Variants in ANKUB1 observed in about 807,000 individuals in gnomAD.
ANKUB1 encodes ankyrin repeat and ubiquitin domain containing 1.
In ANKUB1, 42 loss-of-function variants were observed where a neutral mutation model predicts 49.3. That is an observed-to-expected ratio of 0.85 (90% CI 0.67 to 1.10). The LOEUF is 1.10. Ranked by LOEUF, ANKUB1 falls within the 50% of genes least tolerant of loss-of-function variation. The pLI, the probability that ANKUB1 is intolerant of heterozygous loss-of-function variation, is 0.00. For synonymous variants in ANKUB1, 222 were observed against 231.0 expected (o/e 0.96, Z 0.35); for missense variants, 613 against 642.0 (o/e 0.95, Z 0.49).
In ANKUB1 at chr3:149,792,329, G is replaced by C. The variant is rs759218065; in HGVS notation, c.38C>G (p.Pro13Arg). 5.2e-6 allele frequency: 8 copies of C among 1,529,556 alleles called. No individual in the cohort carries two copies. The South Asian group carries it at 8.7e-5, about 17-fold the overall frequency. 94.7% of individuals were successfully genotyped at this position (1,529,556 alleles called of 1,614,324 possible). Reference sequence around the variant, plus strand: ...AGTTTCATCTGCTGAAACATCAAACGGTTCAAAAGATCCTTCAAAGGCGAT... The same window carrying C: ...AGTTTCATCTGCTGAAACATCAAACCGTTCAAAAGATCCTTCAAAGGCGAT... The part of the protein sequence containing the change: ...IFIAFEGSFE[P>R]FDVSADETVE... The change falls in exon 1 of 6, where the codon CCG (proline) becomes CGG (arginine). Residue 13 changes from proline to arginine, a missense_variant. Transcript: ENST00000446160.
intron 5 of ANKUB1, chr3:149,764,095 C>A: frequency 2.2e-6 from 1 of 451,914 alleles, no homozygotes. Flanking sequence ...ATGACACTAG[C>A]TTGGTGATGG....
chr3:149,774,797 T>A (rs1315808466), intron 3 of ANKUB1, among the ~76,000 whole-genome samples: 1 of 152,262 alleles, frequency 6.6e-6, no homozygotes, highest in Non-Finnish European at 1.5e-5. Context: ...TTTATTAGAT[T>A]TTCCTTTCAC....
chr3:149,780,448 T>C lies in ANKUB1; in HGVS notation c.242A>G (p.Asp81Gly). ...ATTGAACACGTATAGAGTAGGCTTG[T>C]CTTCTTCCTAAAGGGAAAGAAAAGG... ...STLKCFVKEE[D>G]KPTLYVFNAV... The change falls in exon 3 of 6, where the codon GAC becomes GGC. Residue 81 changes from aspartate (D) to glycine (G), a missense_variant. Transcript: ENST00000446160. 6 of 1,551,316 alleles carry C rather than the reference T, an allele frequency of 3.9e-6. No homozygotes were observed. The highest frequency in any genetic ancestry group is 5.2e-6 in the Non-Finnish European group (6 of 1,146,310).
In ANKUB1 at chr3:149,761,490, C is replaced by T. The variant is rs1227356938; in HGVS notation, c.1629G>A (p.Val543=). The T allele has an allele frequency of 1.3e-6, 2 of 1,551,138 alleles. No homozygotes were observed. Among genetic ancestry groups the T allele is most frequent in the African/African-American group, 1.4e-5 (1 of 73,038 alleles). ...CTGAAGTTGTCATGACTTTTCAAAG[C>T]ACAGTTTCTAGAGAGTTTTCACACG... ...LTACENSLET[V]L The change falls in exon 6 of 6, where the codon GTG becomes GTA. Residue 543 remains valine (V), a synonymous_variant. Coordinates refer to ENST00000446160, the MANE Select transcript of ANKUB1 (RefSeq NM_001144960.3).
rs1304314688 is a variant in ANKUB1, at chr3:149,767,985, G to A, written c.677C>T (p.Pro226Leu). 6.5e-7 allele frequency: 1 copy of A among 1,528,100 alleles called. No individual in the cohort carries two copies. Among genetic ancestry groups the A allele is most frequent in the South Asian group, 1.2e-5 (1 of 81,520 alleles). 94.7% of individuals were successfully genotyped at this position (1,528,100 alleles called of 1,614,324 possible). ...ARPHEAVGVH[P>L]YRAWCHEALH... ...GGCTTCATGGCACCATGCTCGATAG[G>A]GGTGAACACCGACTGCCTCGTGGGG... Residue 226 changes from proline (P) to leucine (L), a missense_variant, in exon 5 of 6, where the codon CCC (proline) becomes CTC (leucine). By Grantham distance (98) the Pro-to-Leu change is moderately conservative. Coordinates refer to ENST00000446160, the MANE Select transcript of ANKUB1 (RefSeq NM_001144960.3).
chr3:149,784,913 A>G (rs2108278765), intron 2 of ANKUB1, among the ~76,000 whole-genome samples: 1 of 152,310 alleles, frequency 6.6e-6, no homozygotes, highest in Admixed American at 6.5e-5. Context: ...TTTATTTAAT[A>G]CCTATTTATG....
intron 5 of ANKUB1, 98 bp from the exon 6 acceptor site, chr3:149,761,711 G>A: frequency 7.3e-7 from 1 of 1,361,230 alleles, no homozygotes; most frequent in Non-Finnish European, 9.8e-7. Context: ...TTGTAGCTAG[G>A]GCTAGTTTGT....
At chr3:149,786,950 G>A (rs904547801) in intron 2 of ANKUB1, among the ~76,000 whole-genome samples, 2 of 152,144 alleles carry the variant, frequency 1.3e-5, no homozygotes, top group Non-Finnish European at 2.9e-5. Flanking sequence ...TTTTGTACCA[G>A]TACCATGCTG....
At chr3:149,765,421 T>C (rs1487552902) in intron 5 of ANKUB1, among the ~76,000 whole-genome samples, 1 of 152,162 alleles carries the variant, frequency 6.6e-6, no homozygotes, top group Non-Finnish European at 1.5e-5. Context: ...ACAAGCCATA[T>C]ATGTGAGATT....
intron 5 of ANKUB1, chr3:149,763,807 T>A (rs1291343384): frequency 2.4e-6 from 1 of 424,622 alleles, no homozygotes; most frequent in Non-Finnish European, 4.7e-6. Context: ...CAGCCACATT[T>A]ACTCACCAAC....
Position 149,767,838 on chromosome 3 carries a change from T to G in ANKUB1, c.824A>C (p.Gln275Pro), listed in dbSNP as rs377486050. Residue 275 changes from glutamine (Q) to proline (P), a missense_variant, in exon 5 of 6, where the codon CAA (glutamine) becomes CCA (proline). Coordinates refer to ENST00000446160, the MANE Select transcript of ANKUB1 (RefSeq NM_001144960.3). ...LCLECKNAAG[Q>P]TPLTIVFKHK... Reference sequence around the variant, plus strand: ...TTTGAACACAATGGTCAGGGGAGTTTGTCCTGCTGCATTTTTGCATTCCAG... The same window carrying G: ...TTTGAACACAATGGTCAGGGGAGTTGGTCCTGCTGCATTTTTGCATTCCAG... 1 of 1,551,744 alleles carries G rather than the reference T, an allele frequency of 6.4e-7. No homozygotes were observed. Among genetic ancestry groups the G allele is most frequent in the Admixed American group, 2.0e-5 (1 of 51,000 alleles).
chr3:149,768,156 G>A, intron 4 of ANKUB1, 61 bp from the exon 5 acceptor site: 2 of 1,108,512 alleles, frequency 1.8e-6, no homozygotes, highest in African/African-American at 3.1e-5. Flanking sequence ...GACAAATGTA[G>A]TTACACTAAA....
intron 3 of ANKUB1, chr3:149,778,607 G>A (rs1375667808): frequency 6.6e-6 from 1 of 152,068 alleles, no homozygotes; most frequent in Non-Finnish European, 1.5e-5. Flanking sequence ...CCTTATGTGA[G>A]CCCCCATCAT....
rs572026648 is a variant in ANKUB1 at position 149,762,582 on chromosome 3, C to T, written c.1506-969G>A. Among the ~76,000 whole-genome samples, 900 of 152,296 alleles carry T rather than the reference C, an allele frequency of 5.9e-3. 7 individuals are homozygous for T. Among genetic ancestry groups the T allele is most frequent in the Non-Finnish European group, 0.011 (737 of 68,022 alleles). On this transcript the variant is annotated intron_variant, in intron 5 of 5. Transcript: ENST00000446160. ...CAGGTCTTTATTTTCTCTTATTTCT[C>T]TTTTTGCAGCTTCCTACCTTTACTA...
At chr3:149,792,047 T>A (rs1351307101) in intron 1 of ANKUB1, among the ~76,000 whole-genome samples, 2 of 152,206 alleles carry the variant, frequency 1.3e-5, no homozygotes, top group Non-Finnish European at 2.9e-5. Flanking sequence ...TCAGACTTTT[T>A]TTTTTTCTTG....
chr3:149,787,546 T>C (rs1415645793), intron 2 of ANKUB1, among the ~76,000 whole-genome samples: 1 of 152,176 alleles, frequency 6.6e-6, no homozygotes, highest in Non-Finnish European at 1.5e-5. Flanking sequence ...CTTTTCCTAA[T>C]TGAATACCCT....
At chr3:149,779,662 C>G (rs1717764188) in intron 3 of ANKUB1, 1 of 154,216 alleles carries the variant, frequency 6.5e-6, no homozygotes, top group African/African-American at 2.4e-5. Flanking sequence ...TCATATGCTA[C>G]CTTGCATTAA....
At chr3:149,787,982 A>T (rs9880781) in intron 2 of ANKUB1, among the ~76,000 whole-genome samples, 4 of 152,042 alleles carry the variant, frequency 2.6e-5, no homozygotes, top group Admixed American at 6.5e-5. Flanking sequence ...GATATTTCTA[A>T]GTTGTACCAA....
chr3:149,770,612 C>T lies in ANKUB1; in HGVS notation c.514G>A (p.Gly172Arg). The T allele has an allele frequency of 1.3e-6, 2 of 1,549,636 alleles. No homozygotes were observed. Among genetic ancestry groups the T allele is most frequent in the Non-Finnish European group, 1.7e-6 (2 of 1,146,166 alleles). ...TAGCGTTGGACTTTAAGTTTTTGTC[C>T]AAGGAGACAACCCATCAGAAATTCC... ...WKEFLMGCLL[G>R]QKLKVQRYLS... The change falls in exon 4 of 6, where the codon GGA becomes AGA. Residue 172 changes from glycine to arginine, a missense_variant. Gly to Arg is a moderately radical substitution (Grantham distance 125). Transcript: ENST00000446160.
Sources: gnomAD v4.1 joint callset for allele counts (sites outside exome capture counted in the v4.1 genomes callset) on GRCh38, gnomAD v4.1.1 for gene constraint, MANE v1.5 for transcripts, NCBI Gene and HGNC (gene_info 2026-07-23, HGNC 2026-07-21) for gene names.